ADAMTS12: variants seen among roughly 807,000 people sequenced by gnomAD.
The protein encoded by ADAMTS12 is ADAM metallopeptidase with thrombospondin type 1 motif 12.
Under a neutral mutation model 167.8 loss-of-function variants are expected in ADAMTS12, and 118 were observed. The observed-to-expected ratio is 0.70, with a 90% confidence interval of 0.61 to 0.82. The LOEUF (loss-of-function observed/expected upper bound fraction) is 0.82, where lower values mean the gene tolerates loss of function less well. ADAMTS12 is among the 40% of genes least tolerant of loss of function. The pLI is 0.00. For synonymous variants in ADAMTS12, 704 were observed against 716.9 expected (o/e 0.98, Z 0.29); for missense variants, 1,916 against 1,998.8 (o/e 0.96, Z 0.79).
At chr5:33,724,006 C>A (rs1439365803) in intron 3 of ADAMTS12, among the ~76,000 whole-genome samples, 2 of 152,194 alleles carry the variant, frequency 1.3e-5, no homozygotes, top group Admixed American at 1.3e-4. Context: ...CTCTGCCTAG[C>A]ATCGTTGTCC....
rs115442678 is a variant in ADAMTS12, at chr5:33,799,778, C to T, written c.490-48230G>A. Among the ~76,000 whole-genome samples, 762 of 152,344 alleles carry T rather than the reference C, an allele frequency of 5.0e-3. 12 individuals carry two copies. The highest frequency in any genetic ancestry group is 0.017 in the African/African-American group (706 of 41,578). On this transcript the variant is annotated intron_variant, in intron 2 of 23. Coordinates refer to ENST00000504830, the MANE Select transcript of ADAMTS12 (RefSeq NM_030955.4). ...AGGATGGTAGAAGCTGGGCCAACAG[C>T]ACTGAATCCAATCAAAGGCACAGGA...
At chr5:33,592,921 A>G (rs1425649503) in intron 17 of ADAMTS12, among the ~76,000 whole-genome samples, 1 of 152,230 alleles carries the variant, frequency 6.6e-6, no homozygotes, top group African/African-American at 2.4e-5. Flanking sequence ...TTCATATACA[A>G]GGAAACTAGT....
intron 20 of ADAMTS12, 80 bp downstream of exon 20, chr5:33,560,947 C>T: frequency 1.3e-6 from 2 of 1,489,538 alleles, no homozygotes; most frequent in East Asian, 2.3e-5. Context: ...ACGACTTTAG[C>T]AAGTGTTTAT....
intron 2 of ADAMTS12, among the ~76,000 whole-genome samples, chr5:33,876,095 C>T (rs1750215418): frequency 6.6e-6 from 1 of 152,070 alleles, no homozygotes; most frequent in African/African-American, 2.4e-5. Flanking sequence ...TAACAAAACA[C>T]ATATAGAGCT....
rs112072724 is a variant in ADAMTS12, at chr5:33,581,198, C to T, written c.2866-4038G>A. 3.9e-3 allele frequency among the ~76,000 whole-genome samples: 595 copies of T among 152,340 alleles called. 1 individual carries two copies. The highest frequency in any genetic ancestry group is 8.2e-3 in the Admixed American group (126 of 15,298). ...CAGATGAGATAAATGCAGTACACAA[C>T]GCCACACTCCAAACCTATCTCAATT... On this transcript the variant is annotated intron_variant, in intron 18 of 23. Transcript: ENST00000504830.
chr5:33,769,834 T>C (rs761687922), intron 2 of ADAMTS12, among the ~76,000 whole-genome samples: 5 of 152,184 alleles, frequency 3.3e-5, no homozygotes, highest in Non-Finnish European at 7.4e-5. Flanking sequence ...GTCTCAGGTT[T>C]TGCAGCTGAA....
chr5:33,629,030 G>A (rs897353721), intron 13 of ADAMTS12, among the ~76,000 whole-genome samples: 1 of 152,186 alleles, frequency 6.6e-6, no homozygotes, highest in Non-Finnish European at 1.5e-5. Flanking sequence ...AATTACTGAT[G>A]TCTGGGCTCT....
At chr5:33,588,915 G>A (rs1747502116) in intron 17 of ADAMTS12, 106 bp from the exon 18 acceptor site, 2 of 1,348,320 alleles carry the variant, frequency 1.5e-6, no homozygotes, top group African/African-American at 1.5e-5. Context: ...GGGCTGGAAG[G>A]GCCATGGAGA....
intron 19 of ADAMTS12, among the ~76,000 whole-genome samples, chr5:33,566,255 A>C (rs1284848338): frequency 6.6e-6 from 1 of 152,172 alleles, no homozygotes; most frequent in Admixed American, 6.5e-5. Context: ...TGAGGCCAGG[A>C]GTTCCAGACT....
intron 3 of ADAMTS12, among the ~76,000 whole-genome samples, chr5:33,704,107 T>C (rs1743101657): frequency 6.6e-6 from 1 of 152,238 alleles, no homozygotes; most frequent in African/African-American, 2.4e-5. Context: ...CATTCTATTC[T>C]ACAGAATGAG....
intron 2 of ADAMTS12, among the ~76,000 whole-genome samples, chr5:33,812,511 C>T (rs1326200634): frequency 6.6e-6 from 1 of 152,224 alleles, no homozygotes; most frequent in East Asian, 1.9e-4. Flanking sequence ...AAGCTTCCTT[C>T]ACACACCTCT....
At chr5:33,803,871 A>G (rs908765227) in intron 2 of ADAMTS12, among the ~76,000 whole-genome samples, 4 of 152,082 alleles carry the variant, frequency 2.6e-5, no homozygotes, top group Admixed American at 6.5e-5. Flanking sequence ...ATTACCTCCT[A>G]TGGGATCCCT....
At chr5:33,677,759 G>C (rs779611192) in intron 5 of ADAMTS12, among the ~76,000 whole-genome samples, 4 of 152,158 alleles carry the variant, frequency 2.6e-5, no homozygotes, top group Non-Finnish European at 5.9e-5. Flanking sequence ...TTCTTAATAT[G>C]TTTGACACGT....
chr5:33,647,801 G>A lies in ADAMTS12; in HGVS notation c.1479+1021C>T, dbSNP rs569759458. Among the ~76,000 whole-genome samples the A allele has an allele frequency of 2.3e-4, 35 of 152,300 alleles. 1 individual carries two copies. The highest frequency in any genetic ancestry group is 8.4e-4 in the African/African-American group (35 of 41,554). On this transcript the variant is annotated intron_variant, in intron 9 of 23. Coordinates refer to ENST00000504830, the MANE Select transcript of ADAMTS12 (RefSeq NM_030955.4). ...CATAACTTGGTAGCCAGTTAGAAATGAGGGGTGAGGATTTTTGTATCAACT... is the reference window on the plus strand; with the variant it reads ...CATAACTTGGTAGCCAGTTAGAAATAAGGGGTGAGGATTTTTGTATCAACT...
At chr5:33,746,833 C>G (rs1354124294) in intron 3 of ADAMTS12, among the ~76,000 whole-genome samples, 1 of 152,204 alleles carries the variant, frequency 6.6e-6, no homozygotes. Context: ...AGTCGAAAAG[C>G]AGAACTGGGT....
intron 2 of ADAMTS12, among the ~76,000 whole-genome samples, chr5:33,846,621 C>T (rs541077923): frequency 2.0e-5 from 3 of 152,218 alleles, no homozygotes; most frequent in African/African-American, 7.2e-5. Context: ...CATGTGAAGG[C>T]TTCAAAGGCA....
intron 2 of ADAMTS12, among the ~76,000 whole-genome samples, chr5:33,865,082 A>G (rs1300318362): frequency 6.6e-6 from 1 of 152,162 alleles, no homozygotes; most frequent in African/African-American, 2.4e-5. Context: ...AAACTATTCC[A>G]AAGATTGAGA....
At chr5:33,795,289 G>T (rs1274538320) in intron 2 of ADAMTS12, among the ~76,000 whole-genome samples, 4 of 152,120 alleles carry the variant, frequency 2.6e-5, no homozygotes, top group Non-Finnish European at 5.9e-5. Context: ...TTCAGTGATT[G>T]GAAATGTCTC....
intron 16 of ADAMTS12, among the ~76,000 whole-genome samples, chr5:33,602,215 C>T (rs1030354861): frequency 1.1e-4 from 16 of 152,106 alleles, no homozygotes; most frequent in African/African-American, 3.9e-4. Context: ...CTCCGCTGGC[C>T]GCACAGGGTA....
Sources: allele counts gnomAD v4.1 joint callset (sites outside exome capture counted in the v4.1 genomes callset), GRCh38; gene constraint gnomAD v4.1.1; transcripts MANE v1.5; gene names NCBI Gene and HGNC (gene_info 2026-07-23, HGNC 2026-07-21).